Variants in LARP1B observed in about 807,000 individuals in gnomAD.
LARP1B encodes the protein la-related protein 1B.
A neutral mutation model predicts 114.2 loss-of-function variants in LARP1B; 76 were observed. The ratio of observed to expected loss-of-function variants is 0.67; its 90% CI spans 0.55 to 0.81. LARP1B has a LOEUF of 0.81. LARP1B is among the 30% of genes least tolerant of loss of function. The pLI is 0.00. For synonymous variants in LARP1B, 345 were observed against 348.0 expected (o/e 0.99, Z 0.10); for missense variants, 1,014 against 1,075.8 (o/e 0.94, Z 0.80).
intron 12 of LARP1B, among the ~76,000 whole-genome samples, chr4:128,165,618 T>C (rs1166221113): frequency 6.6e-6 from 1 of 152,122 alleles, no homozygotes; most frequent in Non-Finnish European, 1.5e-5. Flanking sequence ...TTATTTTCAC[T>C]GTCTTCAGTA....
intron 9 of LARP1B, 146 bp downstream of exon 9, chr4:128,107,459 T>C: frequency 6.8e-7 from 1 of 1,476,844 alleles, no homozygotes; most frequent in Non-Finnish European, 9.0e-7. Flanking sequence ...TTTGTATTCA[T>C]ATTGCCTCAC....
intron 15 of LARP1B, among the ~76,000 whole-genome samples, chr4:128,196,260 A>G (rs1255549523): frequency 6.6e-6 from 1 of 151,080 alleles, no homozygotes; most frequent in East Asian, 1.9e-4. Flanking sequence ...AAAAAAAAAA[A>G]AAAAAAAGAA....
At chr4:128,178,035 GATATATATATATAT>G (rs35878913) in intron 13 of LARP1B, among the ~76,000 whole-genome samples, 1 of 137,848 alleles carries the variant, frequency 7.3e-6, no homozygotes, top group South Asian at 2.3e-4. Flanking sequence ...TTTACAAAGT[GATATATATATATAT>G]ATATATATAT....
intron 11 of LARP1B, among the ~76,000 whole-genome samples, chr4:128,125,818 A>C (rs1175126951): frequency 6.6e-6 from 1 of 152,168 alleles, no homozygotes; most frequent in Non-Finnish European, 1.5e-5. Flanking sequence ...GAGAGGAAAA[A>C]ATTGGGCTAG....
At chr4:128,086,863 C>T (rs538601218) in intron 5 of LARP1B, among the ~76,000 whole-genome samples, 78 of 151,674 alleles carry the variant, frequency 5.1e-4, no homozygotes, top group Non-Finnish European at 9.3e-4. Flanking sequence ...TGCAGTGGCG[C>T]GATTTTGGCT....
At chr4:128,160,867 G>T (rs1461230844) in intron 11 of LARP1B, among the ~76,000 whole-genome samples, 1 of 152,164 alleles carries the variant, frequency 6.6e-6, no homozygotes, top group Non-Finnish European at 1.5e-5. Context: ...TTAATAAATG[G>T]TTTGAGCTGA....
rs1414276018 is a variant in LARP1B, at chr4:128,210,896, T to C, written c.*843T>C. ...TAAATTAATTAAATCTTGCACTGTT[T>C]TGAATGCATCTGCTATTTATACATC... is the stretch of plus-strand genomic sequence containing the variant. On this transcript the variant is annotated 3_prime_UTR_variant, in exon 20 of 20. Transcript: ENST00000326639. The C allele has an allele frequency of 1.0e-6, 1 of 981,068 alleles. No individual in the cohort carries two copies. The highest frequency in any genetic ancestry group is 6.2e-5 in the Admixed American group (1 of 16,260). 60.8% of individuals were successfully genotyped at this position (981,068 alleles called of 1,614,324 possible). A position where few individuals can be genotyped will look rare whatever the true frequency, so the allele number is the denominator to read the frequency against.
At chr4:128,135,612 C>T (rs2150148964) in intron 11 of LARP1B, among the ~76,000 whole-genome samples, 1 of 152,204 alleles carries the variant, frequency 6.6e-6, no homozygotes, top group East Asian at 1.9e-4. Flanking sequence ...GGAAATATTG[C>T]TGCAACACGG....
At chr4:128,212,164 C>T (rs924757889), downstream of LARP1B, among the ~76,000 whole-genome samples, 8 of 152,052 alleles carry the variant, frequency 5.3e-5, no homozygotes, top group Non-Finnish European at 1.0e-4. Flanking sequence ...CCACCTTCCT[C>T]GGCCTCCTAA....
chr4:128,191,232 A>G (rs1752171902), intron 15 of LARP1B, among the ~76,000 whole-genome samples: 1 of 150,898 alleles, frequency 6.6e-6, no homozygotes, highest in South Asian at 2.1e-4. Context: ...TTGATCTGAG[A>G]CCTCACACAT....
chr4:128,193,610 T>TTTTTTA (rs1205016675), intron 15 of LARP1B, among the ~76,000 whole-genome samples: 1 of 152,088 alleles, frequency 6.6e-6, no homozygotes, highest in Non-Finnish European at 1.5e-5. Flanking sequence ...TTTATTTTAT[T>TTTTTTA]TTTTTATTTT....
At chr4:128,216,790 A>T (rs1759518950), downstream of LARP1B, among the ~76,000 whole-genome samples, 1 of 152,192 alleles carries the variant, frequency 6.6e-6, no homozygotes, top group Admixed American at 6.5e-5. Context: ...GAAATAACTA[A>T]GATCAGAGCA....
chr4:128,134,477 A>G (rs904155690), intron 11 of LARP1B, among the ~76,000 whole-genome samples: 26 of 152,354 alleles, frequency 1.7e-4, no homozygotes, highest in Non-Finnish European at 1.8e-4. Context: ...AACATATTAC[A>G]TAAAATTATA....
chr4:128,076,299 C>G (rs1767844317), intron 3 of LARP1B, among the ~76,000 whole-genome samples: 1 of 152,228 alleles, frequency 6.6e-6, no homozygotes. Context: ...GCCACTGCGC[C>G]CAGCCTCATC....
intron 7 of LARP1B, chr4:128,222,221 C>T (rs1760085596): frequency 2.4e-6 from 1 of 422,922 alleles, no homozygotes; most frequent in Non-Finnish European, 4.8e-6. Flanking sequence ...GCCGTTATTT[C>T]TACTGACCTT....
intron 8 of LARP1B, among the ~76,000 whole-genome samples, chr4:128,098,826 GGA>G (rs1181019202): frequency 1.5e-5 from 2 of 133,932 alleles, no homozygotes; most frequent in East Asian, 4.4e-4. Context: ...TGCCCAGGCT[GGA>G]GTGCAGTGGC....
intron 12 of LARP1B, among the ~76,000 whole-genome samples, chr4:128,170,665 A>G (rs1743150894): frequency 1.3e-5 from 2 of 151,938 alleles, no homozygotes; most frequent in African/African-American, 2.4e-5. Context: ...TTCTCATGGT[A>G]TGTGATGTAT....
intron 12 of LARP1B, among the ~76,000 whole-genome samples, chr4:128,167,798 G>A (rs990849955): frequency 5.3e-5 from 8 of 151,892 alleles, no homozygotes; most frequent in African/African-American, 1.9e-4. Context: ...TTCAACCCAG[G>A]CCAAGTTTTT....
chr4:128,098,201 T>C lies in LARP1B; in HGVS notation c.684T>C (p.Ser228=), dbSNP rs774936565. 6.8e-6 allele frequency: 11 copies of C among 1,609,780 alleles called. No individual in the cohort carries two copies. Among genetic ancestry groups the C allele is most frequent in the South Asian group, 3.3e-5 (3 of 90,928 alleles). Residue 228 remains serine (S), a synonymous_variant, in exon 8 of 20, where the codon AGT becomes AGC. Coordinates refer to ENST00000326639, the MANE Select transcript of LARP1B (RefSeq NM_018078.4). ...CTCTTTTCAGTGAATATTACTTCAG[T>C]GTAGAAAATTTGGAACGAGACTTCT... ...YIKRQIEYYF[S]VENLERDFFL...
Sources: allele counts gnomAD v4.1 joint callset (sites outside exome capture counted in the v4.1 genomes callset), GRCh38; gene constraint gnomAD v4.1.1; transcripts MANE v1.5; gene names NCBI Gene and HGNC (gene_info 2026-07-23, HGNC 2026-07-21).